Variants in BIRC5 observed in about 807,000 individuals in gnomAD.
BIRC5 encodes the protein baculoviral IAP repeat-containing protein 5.
A neutral mutation model predicts 15.8 loss-of-function variants in BIRC5; 8 were observed. The ratio of observed to expected loss-of-function variants is 0.51; its 90% CI spans 0.30 to 0.91. BIRC5 has a LOEUF of 0.91. Ranked by LOEUF, BIRC5 falls within the 40% of genes least tolerant of loss-of-function variation. BIRC5 has a pLI of 0.07. For synonymous variants in BIRC5, 56 were observed against 64.5 expected (o/e 0.87, Z 0.63); for missense variants, 163 against 178.6 (o/e 0.91, Z 0.50).
rs2076529448 is a variant in BIRC5, at chr17:78,223,585, G to C, written c.*31G>C. 6.2e-7 allele frequency: 1 copy of C among 1,613,516 alleles called. No individual in the cohort carries two copies. The highest frequency in any genetic ancestry group is 8.5e-7 in the Non-Finnish European group (1 of 1,179,680). Reference sequence around the variant, plus strand: ...CTGGCCGGAGCTGCCTGGTCCCAGAGTGGCTGCACCACTTCCAGGGTTTAT... The same window carrying C: ...CTGGCCGGAGCTGCCTGGTCCCAGACTGGCTGCACCACTTCCAGGGTTTAT... On this transcript the variant is annotated 3_prime_UTR_variant, in exon 4 of 4. Transcript: ENST00000350051.
chr17:78,214,686 G>A lies in BIRC5; in HGVS notation c.118G>A (p.Glu40Lys), dbSNP rs1470196753. 13 of 1,603,346 alleles carry A rather than the reference G, an allele frequency of 8.1e-6. No individual in the cohort carries two copies. Among genetic ancestry groups the A allele is most frequent in the Admixed American group, 6.8e-5 (4 of 58,946 alleles). The change falls in exon 2 of 4, where the codon GAG (glutamate) becomes AAG (lysine). Residue 40 changes from glutamate to lysine, a missense_variant. Glu to Lys is a moderately conservative substitution (Grantham distance 56). Transcript: ENST00000350051. ...GCACTPERMA[E>K]AGFIHCPTEN... ...GCTGTGCTGTCCCTTGCAGATGGCCGAGGCTGGCTTCATCCACTGCCCCAC... is the reference window on the plus strand; with the variant it reads ...GCTGTGCTGTCCCTTGCAGATGGCCAAGGCTGGCTTCATCCACTGCCCCAC...
chr17:78,214,588 C>T, intron 1 of BIRC5, 92 bp from the exon 2 acceptor site: 1 of 1,339,998 alleles, frequency 7.5e-7, no homozygotes, highest in South Asian at 1.4e-5. Flanking sequence ...GCCGGCCTCC[C>T]CTCCCTGCTT....
In BIRC5 at chr17:78,216,032, G is replaced by A. The variant is rs778052929; in HGVS notation, c.222-632G>A. ...TGGGAGGCCGAGGCGGGCGGATCAC[G>A]AGGTCAGGAGATCGAGACCATCTTG... On this transcript the variant is annotated intron_variant, in intron 2 of 3. Coordinates refer to ENST00000350051, the MANE Select transcript of BIRC5 (RefSeq NM_001168.3). 6.2e-6 allele frequency: 6 copies of A among 962,610 alleles called. No individual in the cohort carries two copies. The Admixed American group carries it at 1.2e-4, about 19-fold the overall frequency. The allele number at this position is 962,610 out of a possible 1,614,324, so 59.6% of individuals were successfully genotyped here.
At chr17:78,222,911 G>A (rs1233902554) in intron 3 of BIRC5, 2 of 1,534,944 alleles carry the variant, frequency 1.3e-6, no homozygotes, top group East Asian at 2.4e-5. Context: ...GTTCGAGGAA[G>A]AGCCTGATGT....
rs17882627 is a variant in BIRC5 at position 78,223,658 on chromosome 17, G to A, written c.*104G>A. The A allele has an allele frequency of 0.019, 29,880 of 1,552,114 alleles. 371 individuals carry two copies. Among genetic ancestry groups the A allele is most frequent in the South Asian group, 0.035 (2,927 of 82,472 alleles). ...TGTGGGCCCCTTAGCAATGTCTTAGGAAAGGAGATCAACATTTTCAAATTA... is the reference window on the plus strand; with the variant it reads ...TGTGGGCCCCTTAGCAATGTCTTAGAAAAGGAGATCAACATTTTCAAATTA... On this transcript the variant is annotated 3_prime_UTR_variant, in exon 4 of 4. Coordinates refer to ENST00000350051, the MANE Select transcript of BIRC5 (RefSeq NM_001168.3).
chr17:78,215,820 C>A, intron 2 of BIRC5: 2 of 919,826 alleles, frequency 2.2e-6, no homozygotes, highest in Non-Finnish European at 2.7e-6. Flanking sequence ...CTTTGTGTGG[C>A]CATGTTTTCA....
intron 2 of BIRC5, chr17:78,215,974 G>A: frequency 9.4e-7 from 1 of 1,065,044 alleles, no homozygotes; most frequent in Non-Finnish European, 1.2e-6. Flanking sequence ...AGTGGGCCGG[G>A]CACGGTGGCT....
intron 3 of BIRC5, among the ~76,000 whole-genome samples, chr17:78,220,406 C>T (rs1381444331): frequency 1.4e-5 from 2 of 147,028 alleles, no homozygotes; most frequent in South Asian, 4.4e-4. Context: ...CCAGCCTGGG[C>T]GACAGAGCGA....
chr17:78,214,564 C>G, intron 1 of BIRC5, 116 bp from the exon 2 acceptor site: 1 of 1,255,866 alleles, frequency 8.0e-7, no homozygotes, highest in Non-Finnish European at 1.1e-6. Flanking sequence ...TGTGGCTGGG[C>G]CCCTTGGGTC....
In BIRC5 at chr17:78,224,064, GT is replaced by G. The variant is rs571445307; in HGVS notation, c.*523del. On this transcript the variant is annotated 3_prime_UTR_variant, in exon 4 of 4. Coordinates refer to ENST00000350051, the MANE Select transcript of BIRC5 (RefSeq NM_001168.3). ...AGTTTTTTTGTTGTTGTGTTTTTTT[GT>G]TTTTTTTTTTTTGGTAGATGCATGA... 1.6e-3 allele frequency: 114 copies of G among 73,184 alleles called. 1 individual carries two copies. The highest frequency in any genetic ancestry group is 1.9e-3 in the East Asian group (4 of 2,100). 4.5% of individuals were successfully genotyped at this position (73,184 alleles called of 1,614,324 possible). A position where few individuals can be genotyped will look rare whatever the true frequency, so the allele number is the denominator to read the frequency against.
At chr17:78,222,764 A>G (rs1271075634) in intron 3 of BIRC5, 15 of 1,526,000 alleles carry the variant, frequency 9.8e-6, no homozygotes, top group Non-Finnish European at 1.3e-5. Flanking sequence ...GTTAGGGTTT[A>G]TAAAAAATAT....
chr17:78,215,003 G>C (rs1359665296), intron 2 of BIRC5: 10 of 509,630 alleles, frequency 2.0e-5, no homozygotes, highest in Non-Finnish European at 3.2e-5. Flanking sequence ...TGGGGTGGAC[G>C]TAAGATGCCT....
At position 78,223,803 on chromosome 17, in the gene BIRC5, T is replaced by G; in HGVS notation, c.*249T>G. 2.5e-6 allele frequency: 2 copies of G among 787,386 alleles called. No homozygotes were observed. The highest frequency in any genetic ancestry group is 3.7e-6 in the Non-Finnish European group (2 of 536,870). 48.8% of individuals were successfully genotyped at this position (787,386 alleles called of 1,614,324 possible). A position where few individuals can be genotyped will look rare whatever the true frequency, so the allele number is the denominator to read the frequency against. Reference sequence around the variant, plus strand: ...CTCTCTCTCTCTCTTTTTTGGGGGCTCATTTTTGCTGTTTTGATTCCCGGG... The same window carrying G: ...CTCTCTCTCTCTCTTTTTTGGGGGCGCATTTTTGCTGTTTTGATTCCCGGG... On this transcript the variant is annotated 3_prime_UTR_variant, in exon 4 of 4. Transcript: ENST00000350051.
intron 3 of BIRC5, chr17:78,223,077 C>T (rs376265951): frequency 1.0e-6 from 1 of 957,644 alleles, no homozygotes; most frequent in African/African-American, 1.8e-5. Context: ...GCTGGGGTGC[C>T]TAGACTAGCT....
chr17:78,222,491 A>AC (rs1217996406), intron 3 of BIRC5, among the ~76,000 whole-genome samples: 1 of 151,734 alleles, frequency 6.6e-6, no homozygotes, highest in South Asian at 2.1e-4. Flanking sequence ...ACATGGAGAG[A>AC]CCCCATCTCT....
intron 3 of BIRC5, among the ~76,000 whole-genome samples, chr17:78,217,237 C>G (rs1457332317): frequency 2.0e-5 from 3 of 150,366 alleles, no homozygotes; most frequent in African/African-American, 7.4e-5. Flanking sequence ...GTGGGGTGGC[C>G]TGATCTCGGA....
rs1567867148 is a variant in BIRC5, at chr17:78,223,788, C to G, written c.*234C>G. The G allele has an allele frequency of 4.3e-6, 4 of 927,226 alleles. No individual in the cohort carries two copies. The highest frequency in any genetic ancestry group is 3.0e-5 in the East Asian group (1 of 33,480). The allele number at this position is 927,226 out of a possible 1,614,324, so 57.4% of individuals were successfully genotyped here. On this transcript the variant is annotated 3_prime_UTR_variant, in exon 4 of 4. Transcript: ENST00000350051. ...ACAGTGGCTGCTTCTCTCTCTCTCTCTCTTTTTTGGGGGCTCATTTTTGCT... is the reference window on the plus strand; with the variant it reads ...ACAGTGGCTGCTTCTCTCTCTCTCTGTCTTTTTTGGGGGCTCATTTTTGCT...
intron 3 of BIRC5, among the ~76,000 whole-genome samples, chr17:78,218,346 T>C (rs2076494091): frequency 6.6e-6 from 1 of 151,668 alleles, no homozygotes; most frequent in South Asian, 2.1e-4. Flanking sequence ...CAGGCTGGAG[T>C]GCAGTGGCAC....
In BIRC5 at chr17:78,214,427, G is replaced by A. The variant is rs1375594787; in HGVS notation, c.111G>A (p.Arg37=). ...AGGGCTGCGCCTGCACCCCGGAGCG[G>A]GTGAGACTGCCCGGCCTCCTGGGGT... is the stretch of plus-strand genomic sequence containing the variant. The part of the protein sequence containing the change: ...FLEGCACTPE[R]MAEAGFIHCP... Residue 37 remains arginine (R), a splice_region_variant and synonymous_variant, in exon 1 of 4, where the codon CGG becomes CGA. Coordinates refer to ENST00000350051, the MANE Select transcript of BIRC5 (RefSeq NM_001168.3). 8 of 1,560,146 alleles carry A rather than the reference G, an allele frequency of 5.1e-6. No individual in the cohort carries two copies. The highest frequency in any genetic ancestry group is 3.8e-5 in the Admixed American group (2 of 52,766).
Sources: gnomAD v4.1 joint callset for allele counts (sites outside exome capture counted in the v4.1 genomes callset) on GRCh38, gnomAD v4.1.1 for gene constraint, MANE v1.5 for transcripts, NCBI Gene and HGNC (gene_info 2026-07-23, HGNC 2026-07-21) for gene names.